Variants in MAK observed in about 807,000 individuals in gnomAD.
MAK encodes male germ cell associated kinase.
In MAK, 65 loss-of-function variants were observed where a neutral mutation model predicts 82.6. That is an observed-to-expected ratio of 0.79 (90% CI 0.64 to 0.97). The LOEUF (loss-of-function observed/expected upper bound fraction) is 0.97, where lower values mean the gene tolerates loss of function less well. Ranked by LOEUF, MAK falls within the 50% of genes least tolerant of loss-of-function variation. The pLI is 0.00. For missense variants in MAK, 703 were observed against 780.2 expected (o/e 0.90, Z 1.18); for synonymous variants, 250 against 274.2 (o/e 0.91, Z 0.87).
intron 3 of MAK, among the ~76,000 whole-genome samples, 198 bp from the exon 4 acceptor site, chr6:10,818,169 A>G (rs1777637990): frequency 6.6e-6 from 1 of 152,244 alleles, no homozygotes; most frequent in Non-Finnish European, 1.5e-5. Flanking sequence ...CAAGCCAACA[A>G]TAGCTATTAA....
chr6:10,824,280 G>A (rs1160154256), intron 2 of MAK, among the ~76,000 whole-genome samples: 1 of 152,214 alleles, frequency 6.6e-6, no homozygotes, highest in Non-Finnish European at 1.5e-5. Flanking sequence ...TCCTTGTTAT[G>A]AGGAATGGTC....
chr6:10,792,555 G>C (rs1355424550), intron 9 of MAK, among the ~76,000 whole-genome samples: 5 of 152,216 alleles, frequency 3.3e-5, no homozygotes, highest in Non-Finnish European at 7.3e-5. Context: ...ATCATTAACA[G>C]AAATAAGGAA....
At chr6:10,817,827 G>A in intron 4 of MAK, 23 bp downstream of exon 4, 1 of 1,466,976 alleles carries the variant, frequency 6.8e-7, no homozygotes. Flanking sequence ...GAATAACAGG[G>A]AAAAACATGA....
intron 9 of MAK, among the ~76,000 whole-genome samples, chr6:10,794,869 G>A (rs1240910767): frequency 6.6e-6 from 1 of 152,060 alleles, no homozygotes; most frequent in Admixed American, 6.6e-5. Flanking sequence ...GCACATGCCT[G>A]TAATCCGAGC....
chr6:10,818,998 T>TAC, intron 2 of MAK, 58 bp from the exon 3 acceptor site: 1 of 932,750 alleles, frequency 1.1e-6, no homozygotes, highest in Non-Finnish European at 1.7e-6. Context: ...AGACACACAT[T>TAC]ACACTGTTGG....
chr6:10,832,903 GTACTT>G (rs553433367), intron 1 of MAK, among the ~76,000 whole-genome samples: 1 of 152,166 alleles, frequency 6.6e-6, no homozygotes, highest in Non-Finnish European at 1.5e-5. Context: ...ATTTGCATAT[GTACTT>G]TAAACCCAAA....
At chr6:10,818,040 A>G (rs1396529981) in intron 3 of MAK, 69 bp from the exon 4 acceptor site, 6 of 873,868 alleles carry the variant, frequency 6.9e-6, no homozygotes, top group Non-Finnish European at 1.0e-5. Context: ...AATTGCATCA[A>G]TGCTAAGTGT....
intron 2 of MAK, among the ~76,000 whole-genome samples, chr6:10,824,999 T>C (rs1778257335): frequency 6.6e-6 from 1 of 152,186 alleles, no homozygotes; most frequent in Admixed American, 6.5e-5. Flanking sequence ...TCAGCCTCCT[T>C]TGGAAGAGAG....
intron 5 of MAK, among the ~76,000 whole-genome samples, chr6:10,813,361 C>T (rs957860005): frequency 6.7e-6 from 1 of 150,180 alleles, no homozygotes; most frequent in South Asian, 2.1e-4. Context: ...CCATGTTGGC[C>T]AGGCTGGTCT....
intron 14 of MAK, among the ~76,000 whole-genome samples, chr6:10,767,681 C>T (rs1367466312): frequency 2.6e-5 from 4 of 151,790 alleles, no homozygotes; most frequent in Admixed American, 2.6e-4. Flanking sequence ...CCCAGCTACT[C>T]CGGAGGCTGA....
rs891813359 is a variant in MAK at position 10,791,672 on chromosome 6, T to C, written c.1316+3A>G. On this transcript the variant is annotated splice_donor_region_variant and intron_variant, in intron 10 of 14. Transcript: ENST00000354489. ...TATTTTTCTGAGGAATTTGAAATCT[T>C]ACCGAAATGGAGAATCTTTTTTCCT... is the stretch of plus-strand genomic sequence containing the variant. 1 of 1,612,024 alleles carries C rather than the reference T, an allele frequency of 6.2e-7. No homozygotes were observed. Among genetic ancestry groups the C allele is most frequent in the Non-Finnish European group, 8.5e-7 (1 of 1,178,972 alleles).
intron 5 of MAK, 89 bp from the exon 6 acceptor site, chr6:10,809,031 C>T (rs1209979971): frequency 5.3e-5 from 61 of 1,160,152 alleles, no homozygotes; most frequent in Non-Finnish European, 7.3e-5. Context: ...ATAAATGAAC[C>T]CCCTCTTTTA....
chr6:10,773,206 G>A, intron 12 of MAK, 98 bp from the exon 13 acceptor site: 1 of 658,132 alleles, frequency 1.5e-6, no homozygotes, highest in Non-Finnish European at 2.4e-6. Flanking sequence ...AAAAGATCCA[G>A]AAAGAGCCCT....
At chr6:10,768,761 A>G (rs1049986915) in intron 14 of MAK, among the ~76,000 whole-genome samples, 10 of 152,230 alleles carry the variant, frequency 6.6e-5, no homozygotes, top group African/African-American at 2.4e-4. Context: ...AAGCAGTTCT[A>G]TTGCGGCAAG....
chr6:10,835,320 C>T (rs768486985), intron 1 of MAK, among the ~76,000 whole-genome samples: 8 of 152,196 alleles, frequency 5.3e-5, no homozygotes, highest in Non-Finnish European at 7.3e-5. Context: ...AGTGTGGTGG[C>T]GTTATCTCTG....
At chr6:10,797,741 A>G in intron 8 of MAK, 1 of 1,197,286 alleles carries the variant, frequency 8.4e-7, no homozygotes. Context: ...ACCAACAGTT[A>G]ACTCCTCCCA....
intron 10 of MAK, among the ~76,000 whole-genome samples, chr6:10,787,815 C>T (rs910150809): frequency 3.4e-5 from 5 of 147,876 alleles, no homozygotes; most frequent in African/African-American, 1.0e-4. Flanking sequence ...GAGCTGAGAT[C>T]GCGCCACTGC....
intron 2 of MAK, among the ~76,000 whole-genome samples, chr6:10,820,314 T>A (rs915142500): frequency 6.6e-6 from 1 of 152,046 alleles, no homozygotes; most frequent in Non-Finnish European, 1.5e-5. Flanking sequence ...ATCCTTAAGA[T>A]CCAGAGGCTC....
At chr6:10,766,209 C>T (rs949460848) in intron 14 of MAK, among the ~76,000 whole-genome samples, 13 of 152,180 alleles carry the variant, frequency 8.5e-5, no homozygotes, top group Admixed American at 6.5e-4. Context: ...ATTTTGTACC[C>T]CTAGCCCTAG....
Sources: gnomAD v4.1 joint callset for allele counts (sites outside exome capture counted in the v4.1 genomes callset) on GRCh38, gnomAD v4.1.1 for gene constraint, MANE v1.5 for transcripts, NCBI Gene and HGNC (gene_info 2026-07-23, HGNC 2026-07-21) for gene names.